KPNB1: variants seen among roughly 807,000 people sequenced by gnomAD.
The protein encoded by KPNB1 is importin subunit beta-1.
A neutral mutation model predicts 113.0 loss-of-function variants in KPNB1; 7 were observed. That is an observed-to-expected ratio of 0.06 (90% CI 0.04 to 0.12). KPNB1 has a LOEUF of 0.12. Among genes scored for constraint, KPNB1 ranks in the 10% least tolerant of loss-of-function variants. KPNB1 has a pLI of 1.00. For synonymous variants in KPNB1, 363 were observed against 378.6 expected (o/e 0.96, Z 0.48); for missense variants, 400 against 1,054.8 (o/e 0.38, Z 8.60).
At chr17:47,670,494 C>T (rs1218279037) in intron 11 of KPNB1, 2 of 416,752 alleles carry the variant, frequency 4.8e-6, no homozygotes, top group Non-Finnish European at 8.7e-6. Context: ...AGAGAGTTGT[C>T]AGATTATCAG....
chr17:47,674,132 G>C (rs2030528403), intron 14 of KPNB1, among the ~76,000 whole-genome samples: 1 of 152,178 alleles, frequency 6.6e-6, no homozygotes. Context: ...CCTAATGTCA[G>C]TGACATTAGT....
chr17:47,679,259 A>G (rs995744076), intron 19 of KPNB1, among the ~76,000 whole-genome samples: 4 of 152,130 alleles, frequency 2.6e-5, no homozygotes, highest in Non-Finnish European at 4.4e-5. Context: ...CTTGAGTATT[A>G]CAAGGGATGG....
rs1472273873 is a variant in KPNB1 at position 47,683,659 on chromosome 17, TTTGA to T, written c.*1260_*1263del. ...AACTGCTTGGCCTTCTGTTCTTTTA[TTTGA>T]TTGACTACAATGCGGTATTGGTCTC... is the stretch of plus-strand genomic sequence containing the variant. On this transcript the variant is annotated 3_prime_UTR_variant, in exon 22 of 22. Transcript: ENST00000290158. 1.3e-5 allele frequency: 2 copies of T among 152,486 alleles called. No individual in the cohort carries two copies. Among genetic ancestry groups the T allele is most frequent in the Admixed American group, 1.3e-4 (2 of 15,260 alleles). The allele number at this position is 152,486 out of a possible 1,614,324, so 9.4% of individuals were successfully genotyped here. A position where few individuals can be genotyped will look rare whatever the true frequency, so the allele number is the denominator to read the frequency against.
chr17:47,665,137 C>T lies in KPNB1; in HGVS notation c.978C>T (p.Leu326=). ...CACTACAGTATCTGGTTCCAATCCT[C>T]ACACAGACACTAACTAAACAGGTGA... The part of the protein sequence containing the change: ...KGALQYLVPI[L]TQTLTKQDEN... The change falls in exon 9 of 22, where the codon CTC becomes CTT. Residue 326 remains leucine, a synonymous_variant. Transcript: ENST00000290158. 1.2e-6 allele frequency: 2 copies of T among 1,613,634 alleles called. No homozygotes were observed. The highest frequency in any genetic ancestry group is 2.2e-5 in the South Asian group (2 of 91,078).
At chr17:47,675,394 T>TTTTTTTTTTTTTTTTTTTTTTTTTTTG (rs2030586210) in intron 15 of KPNB1, among the ~76,000 whole-genome samples, 1 of 137,686 alleles carries the variant, frequency 7.3e-6, no homozygotes, top group African/African-American at 2.8e-5. Context: ...TGTTTGTTTT[T>TTTTTTTTTTTTTTTTTTTTTTTTTTTG]TTTTTGAGAC....
At chr17:47,675,591 T>C (rs548983963) in intron 15 of KPNB1, among the ~76,000 whole-genome samples, 43 of 152,124 alleles carry the variant, frequency 2.8e-4, no homozygotes, top group African/African-American at 1.0e-3. Context: ...GTTTGGTTTG[T>C]AGTGCTTTGG....
rs546236082 is a variant in KPNB1, at chr17:47,652,084, C to T, written c.100-610C>T. On this transcript the variant is annotated intron_variant, in intron 2 of 21. Coordinates refer to ENST00000290158, the MANE Select transcript of KPNB1 (RefSeq NM_002265.6). ...TCATTGTTCCCTTTTTGCTGAGTGC[C>T]CACAAATAAAACGGAGGATGAGGCT... Among the ~76,000 whole-genome samples the T allele has an allele frequency of 2.8e-4, 42 of 152,092 alleles. 1 individual carries two copies. The South Asian group carries it at 8.1e-3, about 29-fold the overall frequency.
chr17:47,679,069 A>C (rs1597940948), intron 19 of KPNB1, among the ~76,000 whole-genome samples: 2 of 148,134 alleles, frequency 1.4e-5, no homozygotes, highest in South Asian at 4.2e-4. Context: ...ACAGGCACAC[A>C]CCACCATGCC....
chr17:47,663,066 A>G (rs372353527), intron 6 of KPNB1, 23 bp from the exon 7 acceptor site: 19 of 1,280,178 alleles, frequency 1.5e-5, no homozygotes, highest in African/African-American at 4.4e-5. Context: ...TTAGTAAACT[A>G]TCTGATCTGC....
chr17:47,674,513 A>G, intron 14 of KPNB1, 125 bp from the exon 15 acceptor site: 1 of 863,300 alleles, frequency 1.2e-6, no homozygotes, highest in South Asian at 1.7e-5. Context: ...TGTGTATAAA[A>G]TACATTTGGC....
intron 7 of KPNB1, 98 bp from the exon 8 acceptor site, chr17:47,664,061 A>T: frequency 1.5e-6 from 1 of 674,396 alleles, no homozygotes; most frequent in Non-Finnish European, 2.7e-6. Flanking sequence ...TTATAGTTAC[A>T]TTTCTGAAAT....
At position 47,682,297 on chromosome 17, in the gene KPNB1, C is replaced by G. The variant is rs191274179; in HGVS notation, c.*-107C>G. On this transcript the variant is annotated intron_variant, in intron 21 of 21. Transcript: ENST00000290158. ...AGAGTGTCAATCCTTGAAATGTTGA[C>G]AAATTCCATTCAGGCCTAGGAGCAT... 25 of 747,788 alleles carry G rather than the reference C, an allele frequency of 3.3e-5. No homozygotes were observed. In the African/African-American group the frequency reaches 4.0e-4, roughly 12 times the overall value. The allele number at this position is 747,788 out of a possible 1,614,324, so 46.3% of individuals were successfully genotyped here.
intron 7 of KPNB1, among the ~76,000 whole-genome samples, 180 bp downstream of exon 7, chr17:47,663,358 G>T (rs568426102): frequency 5.9e-5 from 9 of 152,300 alleles, no homozygotes; most frequent in African/African-American, 2.2e-4. Flanking sequence ...CTAACTTTGT[G>T]TGGGTAAAAG....
intron 5 of KPNB1, among the ~76,000 whole-genome samples, chr17:47,659,222 G>A (rs571807674): frequency 6.6e-6 from 1 of 152,068 alleles, no homozygotes; most frequent in African/African-American, 2.4e-5. Flanking sequence ...GGTGGCGTGC[G>A]CCTGTAATCC....
chr17:47,674,508 A>T, intron 14 of KPNB1, 130 bp from the exon 15 acceptor site: 2 of 822,026 alleles, frequency 2.4e-6, no homozygotes, highest in Non-Finnish European at 1.9e-6. Flanking sequence ...GTTTTTGTGT[A>T]TAAAATACAT....
Position 47,683,893 on chromosome 17 carries a change from G to A in KPNB1, c.*1489G>A, listed in dbSNP as rs1348135757. On this transcript the variant is annotated 3_prime_UTR_variant, in exon 22 of 22. Transcript: ENST00000290158. ...AATATTTTTTTAGAAGTGTGATGTGGTATGATTACCATAAATCAGACTTAA... is the reference window on the plus strand; with the variant it reads ...AATATTTTTTTAGAAGTGTGATGTGATATGATTACCATAAATCAGACTTAA... 3 of 152,276 alleles carry A rather than the reference G, an allele frequency of 2.0e-5. No homozygotes were observed. The highest frequency in any genetic ancestry group is 7.2e-5 in the African/African-American group (3 of 41,416). The allele number at this position is 152,276 out of a possible 1,614,324, so 9.4% of individuals were successfully genotyped here.
In KPNB1 at chr17:47,649,939, T is replaced by A; in HGVS notation, c.-306T>A. The A allele has an allele frequency of 1.6e-6, 2 of 1,286,194 alleles. No individual in the cohort carries two copies. Among genetic ancestry groups the A allele is most frequent in the Non-Finnish European group, 2.0e-6 (2 of 1,018,138 alleles). The allele number at this position is 1,286,194 out of a possible 1,614,324, so 79.7% of individuals were successfully genotyped here. Reference sequence around the variant, plus strand: ...TCGCTCCCTCCCTGCGCGCCGCCTCTCACTCACAGCCTCCCTTCCTTCTTT... The same window carrying A: ...TCGCTCCCTCCCTGCGCGCCGCCTCACACTCACAGCCTCCCTTCCTTCTTT... On this transcript the variant is annotated 5_prime_UTR_variant, in exon 1 of 22. Transcript: ENST00000290158.
At chr17:47,659,821 C>G (rs960954629) in intron 5 of KPNB1, among the ~76,000 whole-genome samples, 5 of 151,834 alleles carry the variant, frequency 3.3e-5, no homozygotes, top group African/African-American at 1.2e-4. Flanking sequence ...GTGGGAGGAT[C>G]ACTTGAGCCT....
chr17:47,680,603 C>T lies in KPNB1; in HGVS notation c.2564C>T (p.Thr855Ile). 1 of 1,614,182 alleles carries T rather than the reference C, an allele frequency of 6.2e-7. No individual in the cohort carries two copies. Among genetic ancestry groups the T allele is most frequent in the East Asian group, 2.2e-5 (1 of 44,884 alleles). Residue 855 changes from threonine to isoleucine, a missense_variant, in exon 21 of 22, where the codon ACT becomes ATT. Thr to Ile is a moderately conservative substitution (Grantham distance 89). Transcript: ENST00000290158. The stretch of plus-strand genomic sequence containing the variant: ...TTAACTGAAGGGCGGAGATCGAAGA[C>T]TAACAAAGCAAAAACCCTTGCTACA... The part of the protein sequence containing the change: ...ELLTEGRRSK[T>I]NKAKTLATWA...
Sources: gnomAD v4.1 joint callset for allele counts (sites outside exome capture counted in the v4.1 genomes callset) on GRCh38, gnomAD v4.1.1 for gene constraint, MANE v1.5 for transcripts, NCBI Gene and HGNC (gene_info 2026-07-23, HGNC 2026-07-21) for gene names.